The following POU6F2 variants were observed in gnomAD, a reference collection of about 807,000 sequenced individuals.
The protein encoded by POU6F2 is POU domain, class 6, transcription factor 2.
Under a neutral mutation model 71.3 loss-of-function variants are expected in POU6F2, and 31 were observed. The ratio of observed to expected loss-of-function variants is 0.43; its 90% CI spans 0.33 to 0.59. The LOEUF is 0.59. Ranked by LOEUF, POU6F2 falls within the 20% of genes least tolerant of loss-of-function variation. The pLI, the probability that POU6F2 is intolerant of heterozygous loss-of-function variation, is 0.04. For missense variants in POU6F2, 783 were observed against 856.8 expected, an observed-to-expected ratio of 0.91 and a Z score of 1.07; for synonymous variants, 347 against 355.7, an observed-to-expected ratio of 0.98 and a Z score of 0.27.
intron 5 of POU6F2, among the ~76,000 whole-genome samples, chr7:39,358,237 G>T (rs979710552): frequency 3.9e-5 from 6 of 152,050 alleles, no homozygotes; most frequent in African/African-American, 1.4e-4. Flanking sequence ...AAATACAAAT[G>T]AAATGATGGC....
Position 39,205,387 on chromosome 7 carries a change from A to C in POU6F2, c.369+1061A>C, listed in dbSNP as rs1584600863. ...GGGGGTAACACACTCTAATGCCTTCAGGTTGGGTAGGCAGCCCCACAGGCC... is the reference window on the plus strand; with the variant it reads ...GGGGGTAACACACTCTAATGCCTTCCGGTTGGGTAGGCAGCCCCACAGGCC... On this transcript the variant is annotated intron_variant, in intron 3 of 9. Coordinates refer to ENST00000518318, the MANE Select transcript of POU6F2 (RefSeq NM_001370959.1). Among the ~76,000 whole-genome samples the C allele has an allele frequency of 4.6e-5, 7 of 152,238 alleles. 1 individual carries two copies.
At chr7:39,270,637 G>A (rs1467367177) in intron 4 of POU6F2, among the ~76,000 whole-genome samples, 1 of 152,108 alleles carries the variant, frequency 6.6e-6, no homozygotes, top group Non-Finnish European at 1.5e-5. Context: ...GCCTAAACCT[G>A]GATCTTGTCA....
At chr7:39,104,362 C>A (rs562512310) in intron 2 of POU6F2, among the ~76,000 whole-genome samples, 54 of 152,306 alleles carry the variant, frequency 3.5e-4, no homozygotes, top group African/African-American at 1.2e-3. Context: ...TTAGCTGTGG[C>A]AGGTTTTGGG....
rs1262894535 is a variant in POU6F2, at chr7:39,466,835, GA to G, written c.*2150del. ...CTTGATCTTCAATGCCAACATCACA[GA>G]GCCCCTTTCGCCACCTCAAAAACTG... On this transcript the variant is annotated 3_prime_UTR_variant, in exon 10 of 10. Coordinates refer to ENST00000518318, the MANE Select transcript of POU6F2 (RefSeq NM_001370959.1). 1.3e-5 allele frequency: 2 copies of G among 152,456 alleles called. No individual in the cohort carries two copies. The highest frequency in any genetic ancestry group is 4.2e-4 in the South Asian group (2 of 4,814). The allele number at this position is 152,456 out of a possible 1,614,324, so 9.4% of individuals were successfully genotyped here.
intron 4 of POU6F2, among the ~76,000 whole-genome samples, chr7:39,211,062 T>C (rs1484564847): frequency 1.3e-5 from 2 of 152,178 alleles, no homozygotes; most frequent in African/African-American, 2.4e-5. Context: ...ACAGAAGGTA[T>C]GAGAGAACTC....
chr7:38,980,706 CT>C (rs1048621757), intron 1 of POU6F2, among the ~76,000 whole-genome samples: 140 of 149,038 alleles, frequency 9.4e-4, no homozygotes, highest in East Asian at 3.1e-3. Flanking sequence ...TTATTTTTGT[CT>C]TTTTTTTTTC....
At chr7:39,003,445 G>A (rs1788969282) in intron 1 of POU6F2, among the ~76,000 whole-genome samples, 1 of 151,730 alleles carries the variant, frequency 6.6e-6, no homozygotes, top group Non-Finnish European at 1.5e-5. Flanking sequence ...TGTCTTAAAA[G>A]AAGGAAGTGA....
At chr7:39,419,997 C>T (rs770695673) in intron 6 of POU6F2, among the ~76,000 whole-genome samples, 1 of 152,202 alleles carries the variant, frequency 6.6e-6, no homozygotes, top group Non-Finnish European at 1.5e-5. Flanking sequence ...AGAGATATTA[C>T]CTGCTAGGCT....
At chr7:39,400,193 A>C (rs532189571) in intron 5 of POU6F2, among the ~76,000 whole-genome samples, 8 of 152,286 alleles carry the variant, frequency 5.3e-5, no homozygotes, top group Non-Finnish European at 8.8e-5. Flanking sequence ...CATTAGCATA[A>C]AGTTGGGTGT....
chr7:39,260,852 TA>T (rs1290475198), intron 4 of POU6F2, among the ~76,000 whole-genome samples: 9 of 150,542 alleles, frequency 6.0e-5, no homozygotes, highest in Non-Finnish European at 1.0e-4. Context: ...AATGCACACA[TA>T]GGTACCACAC....
intron 2 of POU6F2, among the ~76,000 whole-genome samples, chr7:39,168,485 C>T (rs1425847332): frequency 1.3e-5 from 2 of 152,120 alleles, no homozygotes; most frequent in Non-Finnish European, 2.9e-5. Flanking sequence ...AATCCCAGGG[C>T]AGAAAGTCTT....
chr7:39,350,008 C>A (rs539685254), intron 5 of POU6F2, among the ~76,000 whole-genome samples: 1 of 152,110 alleles, frequency 6.6e-6, no homozygotes, highest in East Asian at 1.9e-4. Flanking sequence ...GGGTGCCCTG[C>A]GTTTGTATGC....
intron 1 of POU6F2, among the ~76,000 whole-genome samples, chr7:39,042,277 T>C (rs949424452): frequency 2.0e-5 from 3 of 152,030 alleles, no homozygotes; most frequent in African/African-American, 7.2e-5. Flanking sequence ...GTGGCATACA[T>C]ACTAGTGTTT....
At chr7:39,298,732 A>G (rs181406840) in intron 4 of POU6F2, among the ~76,000 whole-genome samples, 8 of 152,358 alleles carry the variant, frequency 5.3e-5, no homozygotes, top group African/African-American at 1.4e-4. Flanking sequence ...ACTATTTACA[A>G]TAACAAAGAC....
At chr7:39,045,396 C>T (rs1027069406) in intron 1 of POU6F2, among the ~76,000 whole-genome samples, 1 of 151,838 alleles carries the variant, frequency 6.6e-6, no homozygotes, top group African/African-American at 2.4e-5. Context: ...GCTCTTTATG[C>T]TCTCTCCCTG....
intron 1 of POU6F2, among the ~76,000 whole-genome samples, chr7:39,022,259 CT>C: frequency 6.6e-6 from 1 of 152,054 alleles, no homozygotes; most frequent in East Asian, 1.9e-4. Context: ...CTTGGCATCT[CT>C]TTTTTTGGAT....
intron 1 of POU6F2, among the ~76,000 whole-genome samples, chr7:38,997,372 T>C (rs369588023): frequency 1.3e-5 from 2 of 152,226 alleles, no homozygotes; most frequent in East Asian, 3.8e-4. Flanking sequence ...AGTTTCTTTC[T>C]TCCTTATCTC....
At chr7:39,142,896 A>G (rs1040234791) in intron 2 of POU6F2, among the ~76,000 whole-genome samples, 2 of 152,236 alleles carry the variant, frequency 1.3e-5, no homozygotes, top group Non-Finnish European at 2.9e-5. Context: ...ATGGATCTAT[A>G]AAATCATATG....
intron 4 of POU6F2, among the ~76,000 whole-genome samples, chr7:39,279,820 T>C (rs7788836): frequency 0.27 from 40,829 of 151,752 alleles, 6,191 homozygotes; most frequent in African/African-American, 0.41. Flanking sequence ...GATCTCGGCT[T>C]CCTGCAACCT....
Sources: gnomAD v4.1 joint callset for allele counts (sites outside exome capture counted in the v4.1 genomes callset) on GRCh38, gnomAD v4.1.1 for gene constraint, MANE v1.5 for transcripts, NCBI Gene and HGNC (gene_info 2026-07-23, HGNC 2026-07-21) for gene names.